DGKI: variants seen among roughly 807,000 people sequenced by gnomAD.
The protein encoded by DGKI is diacylglycerol kinase iota, also known as DAG kinase iota.
Under a neutral mutation model 147.5 loss-of-function variants are expected in DGKI, and 55 were observed. The ratio of observed to expected loss-of-function variants is 0.37; its 90% CI spans 0.30 to 0.47. The LOEUF is 0.47. Among genes scored for constraint, DGKI ranks in the 20% least tolerant of loss-of-function variants. DGKI has a pLI of 1.00. For missense variants in DGKI, 1,007 were observed against 1,323.8 expected (o/e 0.76, Z 3.71); for synonymous variants, 469 against 477.1 (o/e 0.98, Z 0.22).
At chr7:137,819,799 C>T (rs1290524021) in intron 1 of DGKI, among the ~76,000 whole-genome samples, 5 of 152,182 alleles carry the variant, frequency 3.3e-5, no homozygotes, top group East Asian at 3.9e-4. Context: ...CCAGTTCATC[C>T]TGCACATGCA....
At chr7:137,471,917 T>C (rs1233724035) in intron 23 of DGKI, among the ~76,000 whole-genome samples, 1 of 142,486 alleles carries the variant, frequency 7.0e-6, no homozygotes, top group Non-Finnish European at 1.5e-5. Context: ...TTGCTCTCTA[T>C]ATGTATATAT....
chr7:137,842,213 T>C (rs1246189308), intron 1 of DGKI, among the ~76,000 whole-genome samples: 1 of 152,204 alleles, frequency 6.6e-6, no homozygotes, highest in Non-Finnish European at 1.5e-5. Flanking sequence ...AGTTCCCCCA[T>C]ACACTATTGA....
At chr7:137,730,396 C>A (rs886274969) in intron 1 of DGKI, among the ~76,000 whole-genome samples, 1 of 152,068 alleles carries the variant, frequency 6.6e-6, no homozygotes, top group South Asian at 2.1e-4. Context: ...ATTCTCATCA[C>A]CTTTCAAGTC....
chr7:137,638,698 A>G (rs1821508380), intron 6 of DGKI, among the ~76,000 whole-genome samples: 1 of 145,680 alleles, frequency 6.9e-6, no homozygotes, highest in African/African-American at 2.5e-5. Context: ...ACAGATACAT[A>G]TGTACGCACA....
intron 1 of DGKI, among the ~76,000 whole-genome samples, chr7:137,792,446 G>C (rs977873410): frequency 6.6e-6 from 1 of 152,182 alleles, no homozygotes; most frequent in Non-Finnish European, 1.5e-5. Context: ...AATAAGCACT[G>C]TGTTGGGTGC....
chr7:137,693,153 T>C (rs1823667889), intron 1 of DGKI, among the ~76,000 whole-genome samples: 1 of 152,204 alleles, frequency 6.6e-6, no homozygotes, highest in South Asian at 2.1e-4. Flanking sequence ...ATCTTGCTGG[T>C]AGATGACGAA....
chr7:137,499,930 G>T (rs182040315), intron 21 of DGKI, among the ~76,000 whole-genome samples: 1 of 152,288 alleles, frequency 6.6e-6, no homozygotes, highest in East Asian at 1.9e-4. Flanking sequence ...GCAGCCGTCT[G>T]TAAGCAAGAA....
chr7:137,472,345 T>TAA (rs1563040195), intron 23 of DGKI, among the ~76,000 whole-genome samples: 1 of 54,176 alleles, frequency 1.8e-5, no homozygotes, highest in Non-Finnish European at 3.0e-5. Flanking sequence ...ATACATATAA[T>TAA]TATTATATGT....
At chr7:137,812,173 A>G (rs1478047891) in intron 1 of DGKI, among the ~76,000 whole-genome samples, 1 of 152,238 alleles carries the variant, frequency 6.6e-6, no homozygotes, top group Admixed American at 6.5e-5. Flanking sequence ...GAGAAAGTTC[A>G]TAATGATTAT....
chr7:137,783,583 C>T (rs144633849), intron 1 of DGKI, among the ~76,000 whole-genome samples: 2,101 of 152,308 alleles, frequency 0.014, 50 homozygotes, highest in African/African-American at 0.047. Context: ...AACTTCCTGG[C>T]CTTGCTAGAG....
chr7:137,626,631 AT>A (rs1274821083), intron 6 of DGKI, among the ~76,000 whole-genome samples: 8 of 152,036 alleles, frequency 5.3e-5, no homozygotes, highest in Non-Finnish European at 1.0e-4. Context: ...CCCCCAAGCC[AT>A]TTTTCAGGGA....
At chr7:137,553,755 C>A (rs28755996) in intron 19 of DGKI, among the ~76,000 whole-genome samples, 1 of 152,116 alleles carries the variant, frequency 6.6e-6, no homozygotes, top group Non-Finnish European at 1.5e-5. Flanking sequence ...CCTTCCTAGT[C>A]TATTACACAC....
intron 1 of DGKI, among the ~76,000 whole-genome samples, chr7:137,817,879 C>A (rs1209168839): frequency 6.6e-6 from 1 of 152,228 alleles, no homozygotes; most frequent in African/African-American, 2.4e-5. Flanking sequence ...GTGTCCCAGG[C>A]CTTCTTAGCC....
intron 1 of DGKI, among the ~76,000 whole-genome samples, chr7:137,810,767 TG>T (rs1338975301): frequency 6.6e-6 from 1 of 152,148 alleles, no homozygotes; most frequent in African/African-American, 2.4e-5. Context: ...GTTATTTATT[TG>T]TGGCAAATAA....
At chr7:137,836,322 T>C (rs1248458255) in intron 1 of DGKI, among the ~76,000 whole-genome samples, 1 of 152,226 alleles carries the variant, frequency 6.6e-6, no homozygotes, top group Non-Finnish European at 1.5e-5. Flanking sequence ...CTTTGGAACT[T>C]TCTAGGTGTC....
intron 8 of DGKI, among the ~76,000 whole-genome samples, chr7:137,617,124 CAAAAAAAAAAAAAAA>C (rs60654879): frequency 4.2e-5 from 2 of 48,130 alleles, no homozygotes; most frequent in African/African-American, 5.3e-5. Flanking sequence ...TCCCTTTTAC[CAAAAAAAAAAAAAAA>C]AAAAAAAAAA....
chr7:137,597,907 C>T lies in DGKI; in HGVS notation c.1251G>A (p.Ala417=), dbSNP rs1819853546. Residue 417 remains alanine (A), a splice_region_variant and synonymous_variant, in exon 12 of 33, where the codon GCG becomes GCA. Coordinates refer to ENST00000614521, the MANE Select transcript of DGKI (RefSeq NM_001321708.2). Reference sequence around the variant, plus strand: ...TTGGTACTTTCCTATACAATTCAAGCCTGTAGAGGAAATAGAAGAAAAAGT... The same window carrying T: ...TTGGTACTTTCCTATACAATTCAAGTCTGTAGAGGAAATAGAAGAAAAAGT... The part of the protein sequence containing the change: ...FDLSQEGPKD[A]LELYRKVPNL... The T allele has an allele frequency of 6.2e-7, 1 of 1,613,082 alleles. No homozygotes were observed. Among genetic ancestry groups the T allele is most frequent in the African/African-American group, 1.3e-5 (1 of 75,010 alleles).
chr7:137,765,141 G>A (rs1390398398), intron 1 of DGKI, among the ~76,000 whole-genome samples: 1 of 152,166 alleles, frequency 6.6e-6, no homozygotes, highest in Admixed American at 6.5e-5. Context: ...TACTTCCTGA[G>A]TTCAATACAT....
At chr7:137,446,231 G>A (rs927071691) in intron 27 of DGKI, among the ~76,000 whole-genome samples, 8 of 152,188 alleles carry the variant, frequency 5.3e-5, no homozygotes, top group African/African-American at 7.2e-5. Context: ...AGATGGCTCC[G>A]TTAGAGTCCC....
Sources: gnomAD v4.1 joint callset for allele counts (sites outside exome capture counted in the v4.1 genomes callset) on GRCh38, gnomAD v4.1.1 for gene constraint, MANE v1.5 for transcripts, NCBI Gene and HGNC (gene_info 2026-07-23, HGNC 2026-07-21) for gene names.